The following KLHDC1 variants were observed in gnomAD, a reference collection of about 807,000 sequenced individuals.
The protein encoded by KLHDC1 is kelch domain-containing protein 1.
A neutral mutation model predicts 68.3 loss-of-function variants in KLHDC1; 53 were observed. That is an observed-to-expected ratio of 0.78 (90% CI 0.62 to 0.98). The LOEUF (loss-of-function observed/expected upper bound fraction) is 0.98, where lower values mean the gene tolerates loss of function less well. KLHDC1 is among the 50% of genes least tolerant of loss of function. KLHDC1 has a pLI of 0.00. For synonymous variants in KLHDC1, 148 were observed against 159.0 expected (o/e 0.93, Z 0.52); for missense variants, 470 against 492.3 (o/e 0.95, Z 0.43).
chr14:49,713,849 TA>T (rs1291462703), intron 4 of KLHDC1, among the ~76,000 whole-genome samples: 1 of 36,454 alleles, frequency 2.7e-5, no homozygotes, highest in African/African-American at 1.3e-4. Context: ...TATATATATA[TA>T]TTTTTTTTTT....
intron 6 of KLHDC1, among the ~76,000 whole-genome samples, chr14:49,727,196 G>T (rs1034380444): frequency 6.6e-6 from 1 of 151,892 alleles, no homozygotes; most frequent in African/African-American, 2.4e-5. Flanking sequence ...TGCAGTGAGC[G>T]GAGATTGCTC....
At chr14:49,697,412 G>C (rs894833399) in intron 1 of KLHDC1, among the ~76,000 whole-genome samples, 2 of 152,130 alleles carry the variant, frequency 1.3e-5, no homozygotes, top group African/African-American at 4.8e-5. Context: ...ATATATCAAA[G>C]ATCATTGATC....
intron 1 of KLHDC1, among the ~76,000 whole-genome samples, chr14:49,707,401 G>T (rs1888082648): frequency 7.6e-6 from 1 of 131,458 alleles, no homozygotes; most frequent in South Asian, 2.5e-4. Flanking sequence ...AGGCTGGAGT[G>T]CAGTGGCACA....
At chr14:49,693,312 G>T in intron 1 of KLHDC1, 22 bp downstream of exon 1, 2 of 1,444,862 alleles carry the variant, frequency 1.4e-6, no homozygotes, top group East Asian at 2.8e-5. Context: ...AGGCGGGACG[G>T]GGTAGACTCG....
chr14:49,694,342 C>T (rs1887671614), intron 1 of KLHDC1, among the ~76,000 whole-genome samples: 1 of 152,040 alleles, frequency 6.6e-6, no homozygotes, highest in Non-Finnish European at 1.5e-5. Flanking sequence ...GTAGAACCTA[C>T]ATCTTCTGTC....
chr14:49,709,221 T>C lies in KLHDC1; in HGVS notation c.159T>C (p.Ser53=). ...AAATTTGGACCTATGATATTGATAG[T>C]GGGTTGTGGTAAGTAATTTTAAATT... ...NDEIWTYDID[S]GLWRMHLMEG... The change falls in exon 2 of 13, where the codon AGT becomes AGC. Residue 53 remains serine, a synonymous_variant. Coordinates refer to ENST00000359332, the MANE Select transcript of KLHDC1 (RefSeq NM_172193.3). 2.2e-6 allele frequency: 3 copies of C among 1,346,682 alleles called. No individual in the cohort carries two copies. Among genetic ancestry groups the C allele is most frequent in the Non-Finnish European group, 3.1e-6 (3 of 954,976 alleles). 83.4% of individuals were successfully genotyped at this position (1,346,682 alleles called of 1,614,324 possible). A position where few individuals can be genotyped will look rare whatever the true frequency, so the allele number is the denominator to read the frequency against.
intron 4 of KLHDC1, among the ~76,000 whole-genome samples, chr14:49,722,948 G>A (rs984169634): frequency 3.3e-4 from 50 of 151,790 alleles, no homozygotes; most frequent in African/African-American, 1.0e-3. Flanking sequence ...TTAGCCAGGC[G>A]TGGTGGCAGG....
chr14:49,735,533 C>T (rs533624408), intron 10 of KLHDC1, among the ~76,000 whole-genome samples: 5 of 151,564 alleles, frequency 3.3e-5, no homozygotes, highest in African/African-American at 1.2e-4. Context: ...TTCATAATTG[C>T]ATTTGTGATT....
rs916521073 is a variant in KLHDC1 at position 49,693,177 on chromosome 14, G to C, written c.-18G>C. On this transcript the variant is annotated 5_prime_UTR_variant, in exon 1 of 13. Transcript: ENST00000359332. Reference sequence around the variant, plus strand: ...CAGGGGTTGTGGCGCGGCAAGCGGCGGGCCAGCGACGGCGCGAATGGCGGA... The same window carrying C: ...CAGGGGTTGTGGCGCGGCAAGCGGCCGGCCAGCGACGGCGCGAATGGCGGA... 3 of 1,574,344 alleles carry C rather than the reference G, an allele frequency of 1.9e-6. No homozygotes were observed. Among genetic ancestry groups the C allele is most frequent in the Non-Finnish European group, 2.6e-6 (3 of 1,162,198 alleles).
chr14:49,693,272 C>G lies in KLHDC1; in HGVS notation c.78C>G (p.Tyr26Ter). 2 of 1,556,798 alleles carry G rather than the reference C, an allele frequency of 1.3e-6. No individual in the cohort carries two copies. The highest frequency in any genetic ancestry group is 1.7e-6 in the Non-Finnish European group (2 of 1,153,028). The change falls in exon 1 of 13, where the codon TAC becomes TAG. Residue 26 changes from tyrosine (Y) to a stop codon, truncating the protein, a stop_gained. Coordinates refer to ENST00000359332, the MANE Select transcript of KLHDC1 (RefSeq NM_172193.3). LOFTEE classifies it high-confidence loss of function. ...HCAVVDGNFL[Y>*]VWGGYVSIED... Reference sequence around the variant, plus strand: ...CCGTGGTGGACGGAAACTTCCTCTACGTGTGGGGGGGCTACGTGGTAAGGG... The same window carrying G: ...CCGTGGTGGACGGAAACTTCCTCTAGGTGTGGGGGGGCTACGTGGTAAGGG...
chr14:49,740,057 C>T, intron 10 of KLHDC1, 41 bp from the exon 11 acceptor site: 1 of 1,095,882 alleles, frequency 9.1e-7, no homozygotes. Context: ...ACAGTTTCTC[C>T]CATGACAGTG....
chr14:49,694,786 G>A (rs1040214989), intron 1 of KLHDC1, among the ~76,000 whole-genome samples: 3 of 152,106 alleles, frequency 2.0e-5, no homozygotes, highest in African/African-American at 7.2e-5. Flanking sequence ...CCCGGGAGGC[G>A]GAGGTTGCAG....
At chr14:49,716,545 A>G (rs542668561) in intron 4 of KLHDC1, among the ~76,000 whole-genome samples, 5 of 152,080 alleles carry the variant, frequency 3.3e-5, no homozygotes, top group African/African-American at 1.2e-4. Flanking sequence ...AACCATGCCC[A>G]GATAATTTTT....
intron 1 of KLHDC1, among the ~76,000 whole-genome samples, chr14:49,703,768 T>C (rs1887971060): frequency 6.6e-6 from 1 of 152,228 alleles, no homozygotes; most frequent in Admixed American, 6.5e-5. Context: ...AGTTGTTAAA[T>C]AATTTGAAAA....
chr14:49,711,959 C>A (rs1214863231), intron 4 of KLHDC1, among the ~76,000 whole-genome samples: 1 of 140,168 alleles, frequency 7.1e-6, no homozygotes, highest in Non-Finnish European at 1.5e-5. Flanking sequence ...TCACTGTCAC[C>A]CAGGCTGGAA....
At chr14:49,698,268 A>G (rs1887798564) in intron 1 of KLHDC1, among the ~76,000 whole-genome samples, 1 of 152,178 alleles carries the variant, frequency 6.6e-6, no homozygotes, top group Admixed American at 6.5e-5. Flanking sequence ...CAGTGGCACG[A>G]TCTCGGCTCA....
chr14:49,719,685 C>A (rs1281308789), intron 4 of KLHDC1, among the ~76,000 whole-genome samples: 1 of 152,064 alleles, frequency 6.6e-6, no homozygotes, highest in Non-Finnish European at 1.5e-5. Flanking sequence ...ATCCACTTGG[C>A]CTCCCAAAGT....
intron 1 of KLHDC1, among the ~76,000 whole-genome samples, chr14:49,704,386 T>TC (rs1887989575): frequency 9.3e-6 from 1 of 107,278 alleles, no homozygotes; most frequent in Non-Finnish European, 1.9e-5. Context: ...TTTCCTTTTC[T>TC]GTTTTTTTTT....
At chr14:49,707,849 T>C (rs1185190359) in intron 1 of KLHDC1, 3 of 148,486 alleles carry the variant, frequency 2.0e-5, no homozygotes, top group Middle Eastern at 3.6e-3. Flanking sequence ...AGAGACAAGA[T>C]CTGGCTATGA....
Sources: gnomAD v4.1 joint callset for allele counts (sites outside exome capture counted in the v4.1 genomes callset) on GRCh38, gnomAD v4.1.1 for gene constraint, MANE v1.5 for transcripts, NCBI Gene and HGNC (gene_info 2026-07-23, HGNC 2026-07-21) for gene names.